Variants in FUT8 observed in about 807,000 individuals in gnomAD.
FUT8 encodes fucosyltransferase 8.
FUT8 carries 29 observed loss-of-function variants against 71.3 expected under a neutral mutation model. The ratio of observed to expected loss-of-function variants is 0.41; its 90% confidence interval spans 0.30 to 0.55. The LOEUF (loss-of-function observed/expected upper bound fraction) is 0.55. FUT8 is among the 20% of genes least tolerant of loss of function. FUT8 has a pLI of 0.34. For synonymous variants in FUT8, 254 were observed against 239.3 expected (o/e 1.06, Z -0.57); for missense variants, 544 against 702.1 (o/e 0.77, Z 2.55).
intron 3 of FUT8, among the ~76,000 whole-genome samples, chr14:65,587,183 T>A (rs1181968792): frequency 2.0e-5 from 3 of 147,808 alleles, no homozygotes; most frequent in Non-Finnish European, 4.5e-5. Flanking sequence ...AGCGAGACTC[T>A]GTCTCAAAAA....
chr14:65,679,572 T>G (rs1892937706), intron 7 of FUT8, among the ~76,000 whole-genome samples: 1 of 152,240 alleles, frequency 6.6e-6, no homozygotes. Context: ...ATCTGTATCA[T>G]GATTTATATA....
At chr14:65,617,150 ACAAC>A (rs749968349) in intron 5 of FUT8, 1 of 1,588,270 alleles carries the variant, frequency 6.3e-7, no homozygotes, top group East Asian at 2.3e-5. Flanking sequence ...TTGTATTAGC[ACAAC>A]CTACTACTGT....
Position 65,676,336 on chromosome 14 carries a change from A to G in FUT8, c.835+6856A>G, listed in dbSNP as rs1487295194. Among the ~76,000 whole-genome samples the G allele has an allele frequency of 3.9e-5, 6 of 152,302 alleles. No individual in the cohort carries two copies. The Middle Eastern group carries it at 0.01, about 259-fold the overall frequency. ...CTAAAGTCTATTTAGGACCTATCCA[A>G]GGTTGTTAGAGCTAGAGATAGAATC... On this transcript the variant is annotated intron_variant, in intron 7 of 10. Transcript: ENST00000673929.
intron 3 of FUT8, among the ~76,000 whole-genome samples, chr14:65,562,989 T>A (rs1885994868): frequency 1.3e-5 from 2 of 152,106 alleles, no homozygotes; most frequent in South Asian, 4.1e-4. Flanking sequence ...GTTTCATAAC[T>A]TTTTCTTCAT....
At chr14:65,632,473 T>C (rs113216703) in intron 6 of FUT8, among the ~76,000 whole-genome samples, 20 of 152,350 alleles carry the variant, frequency 1.3e-4, no homozygotes, top group African/African-American at 4.8e-4. Flanking sequence ...TCCCTGATCA[T>C]TAGTGATGTT....
chr14:65,558,510 T>C (rs1219173948), intron 2 of FUT8, among the ~76,000 whole-genome samples: 5 of 152,158 alleles, frequency 3.3e-5, no homozygotes, highest in African/African-American at 9.7e-5. Flanking sequence ...CTGTCTTAAG[T>C]AGGGCATAAA....
At chr14:65,457,646 G>T (rs940123262) in intron 2 of FUT8, among the ~76,000 whole-genome samples, 1 of 152,130 alleles carries the variant, frequency 6.6e-6, no homozygotes, top group African/African-American at 2.4e-5. Context: ...ACATGAAAGG[G>T]TTGTGATTGA....
At chr14:65,436,729 A>G (rs774056132) in intron 1 of FUT8, among the ~76,000 whole-genome samples, 1 of 152,180 alleles carries the variant, frequency 6.6e-6, no homozygotes, top group Non-Finnish European at 1.5e-5. Flanking sequence ...TGTATCACAC[A>G]ATTCCAGGGG....
chr14:65,616,523 A>G (rs952991108), intron 5 of FUT8, 150 bp downstream of exon 5: 1 of 584,704 alleles, frequency 1.7e-6, no homozygotes, highest in Non-Finnish European at 2.7e-6. Context: ...GTCCCAAAGG[A>G]TGGTAATTGC....
chr14:65,441,517 A>G (rs8003464), intron 1 of FUT8, among the ~76,000 whole-genome samples: 105,182 of 151,800 alleles, frequency 0.69, 36,727 homozygotes, highest in East Asian at 0.9. Context: ...AAGGCAGGTT[A>G]ATCACCTGAG....
intron 2 of FUT8, among the ~76,000 whole-genome samples, chr14:65,484,686 A>G (rs2066382766): frequency 6.6e-6 from 1 of 152,054 alleles, no homozygotes; most frequent in African/African-American, 2.4e-5. Flanking sequence ...AAAAATAAAA[A>G]AATTTGTTAA....
intron 6 of FUT8, among the ~76,000 whole-genome samples, chr14:65,649,298 T>G (rs956378885): frequency 1.3e-5 from 2 of 152,214 alleles, no homozygotes; most frequent in Admixed American, 1.3e-4. Context: ...TTTTTGTTTG[T>G]TTGGTTGGGG....
chr14:65,452,003 G>C (rs959858028), intron 1 of FUT8, among the ~76,000 whole-genome samples: 3 of 152,100 alleles, frequency 2.0e-5, no homozygotes, highest in African/African-American at 2.4e-5. Context: ...TTATGCTGGG[G>C]ACCCACCATT....
At chr14:65,618,010 CATAT>C (rs149450437) in intron 5 of FUT8, among the ~76,000 whole-genome samples, 4,216 of 86,658 alleles carry the variant, frequency 0.049, 130 homozygotes, top group South Asian at 0.083. Context: ...AAAATTAATT[CATAT>C]ATATATATAT....
At chr14:65,518,879 A>G (rs1882893465) in intron 2 of FUT8, among the ~76,000 whole-genome samples, 1 of 152,206 alleles carries the variant, frequency 6.6e-6, no homozygotes, top group South Asian at 2.1e-4. Flanking sequence ...AATAAAATGT[A>G]TCTTCTGAGG....
the FUT8 span, among the ~76,000 whole-genome samples, chr14:65,396,256 T>TTATC: frequency 6.6e-6 from 1 of 152,224 alleles, no homozygotes; most frequent in Non-Finnish European, 1.5e-5. The surrounding 1 kb of genome is among the most constrained non-coding windows in gnomAD (Gnocchi z 5.5). Flanking sequence ...ACATTTTCAG[T>TTATC]TATCTTTATA....
chr14:65,534,745 T>C (rs1386854335), intron 2 of FUT8, among the ~76,000 whole-genome samples: 13 of 151,952 alleles, frequency 8.6e-5, no homozygotes, highest in Admixed American at 8.5e-4. Context: ...TTATTTGTAT[T>C]TCTGTCCAAT....
chr14:65,602,315 T>C (rs1421582933), intron 3 of FUT8, among the ~76,000 whole-genome samples: 1 of 135,462 alleles, frequency 7.4e-6, no homozygotes, highest in African/African-American at 2.9e-5. Flanking sequence ...AATTCATTCA[T>C]TTTCATGGCC....
chr14:65,532,490 C>A (rs1202630539), intron 2 of FUT8, among the ~76,000 whole-genome samples: 3 of 151,500 alleles, frequency 2.0e-5, no homozygotes, highest in African/African-American at 4.9e-5. Flanking sequence ...TTATTTTTTT[C>A]TTGTGAATTT....
Sources: gnomAD v4.1 joint callset for allele counts (sites outside exome capture counted in the v4.1 genomes callset) on GRCh38, gnomAD v4.1.1 for gene constraint, Gnocchi (gnomAD v3.1) non-coding constraint, MANE v1.5 for transcripts, NCBI Gene and HGNC (gene_info 2026-07-23, HGNC 2026-07-21) for gene names.